Variants in ANKRD17 observed in about 807,000 individuals in gnomAD.
ANKRD17 encodes ankyrin repeat domain-containing protein 17.
ANKRD17 carries 19 observed loss-of-function variants against 229.7 expected under a neutral mutation model. The observed-to-expected ratio is 0.08, with a 90% CI of 0.06 to 0.12. ANKRD17 has a LOEUF of 0.12. ANKRD17 is among the 10% of genes least tolerant of loss of function. The pLI is 1.00. For missense variants in ANKRD17, 2,176 were observed against 3,176.8 expected (o/e 0.68, Z 7.57); for synonymous variants, 1,112 against 1,146.1 (o/e 0.97, Z 0.60).
chr4:73,257,175 T>C (rs1029300165), intron 1 of ANKRD17, among the ~76,000 whole-genome samples: 1 of 152,198 alleles, frequency 6.6e-6, no homozygotes, highest in Non-Finnish European at 1.5e-5. Flanking sequence ...CTGATAAAGA[T>C]TTCCCTCTCC....
intron 1 of ANKRD17, among the ~76,000 whole-genome samples, chr4:73,242,995 CT>C (rs1408857380): frequency 6.6e-6 from 1 of 152,086 alleles, no homozygotes; most frequent in African/African-American, 2.4e-5. Context: ...AGAAAGTTCC[CT>C]CTAACAATAC....
At position 73,179,486 on chromosome 4, in the gene ANKRD17, G is replaced by GTA. The variant is rs1391988983; in HGVS notation, c.394-1954_394-1953insTA. On this transcript the variant is annotated intron_variant, in intron 1 of 33. Transcript: ENST00000358602. ...TATATATGTGTGTGTGTGTGTGTGT[G>GTA]TGTATATATATATATATATATATAT... 8.0e-4 allele frequency among the ~76,000 whole-genome samples: 48 copies of GTA among 59,968 alleles called. 1 individual carries two copies. Among genetic ancestry groups the GTA allele is most frequent in the Admixed American group, 1.9e-3 (7 of 3,752 alleles). The allele number at this position is 59,968 out of a possible 152,430, so 39.3% of individuals were successfully genotyped here. A position where few individuals can be genotyped will look rare whatever the true frequency, so the allele number is the denominator to read the frequency against.
At chr4:73,142,410 A>T in intron 12 of ANKRD17, 25 bp from the exon 13 acceptor site, 1 of 1,583,086 alleles carries the variant, frequency 6.3e-7, no homozygotes, top group South Asian at 1.2e-5. Context: ...ATGGAAGGGG[A>T]AAAAAAGTGA....
chr4:73,229,869 A>G (rs1742882563), intron 1 of ANKRD17, among the ~76,000 whole-genome samples: 1 of 152,144 alleles, frequency 6.6e-6, no homozygotes, highest in Non-Finnish European at 1.5e-5. Context: ...CACTAAATAA[A>G]ATACTGCTGG....
chr4:73,147,556 G>A (rs1730447408), intron 8 of ANKRD17, 124 bp from the exon 9 acceptor site: 5 of 799,130 alleles, frequency 6.3e-6, no homozygotes, highest in Non-Finnish European at 8.7e-6. Flanking sequence ...TAATAAATAA[G>A]AAAGTGCCTC....
intron 1 of ANKRD17, among the ~76,000 whole-genome samples, chr4:73,239,074 A>G (rs1034126118): frequency 4.6e-5 from 7 of 152,176 alleles, no homozygotes; most frequent in African/African-American, 1.7e-4. Flanking sequence ...GGTGTTATAA[A>G]CACCTTCAGG....
chr4:73,223,175 A>G, intron 1 of ANKRD17: 1 of 715,448 alleles, frequency 1.4e-6, no homozygotes, highest in Non-Finnish European at 2.2e-6. Context: ...GGCATCTACC[A>G]AAAGAGCAGG....
intron 23 of ANKRD17, among the ~76,000 whole-genome samples, chr4:73,114,400 A>T (rs1292205877): frequency 1.3e-5 from 2 of 152,208 alleles, no homozygotes; most frequent in Non-Finnish European, 2.9e-5. Flanking sequence ...TTCATTCTCA[A>T]GTCACACTTT....
intron 2 of ANKRD17, among the ~76,000 whole-genome samples, chr4:73,170,541 GC>G (rs1341266800): frequency 1.3e-5 from 2 of 151,616 alleles, no homozygotes; most frequent in African/African-American, 4.8e-5. Flanking sequence ...GGGTCGGGGG[GC>G]GGGGGGCTGT....
intron 31 of ANKRD17, 98 bp downstream of exon 31, chr4:73,078,543 AG>A: frequency 7.2e-7 from 1 of 1,388,622 alleles, no homozygotes; most frequent in South Asian, 1.5e-5. Flanking sequence ...TCTCAAAAAA[AG>A]AAAAAAAAAA....
intron 8 of ANKRD17, among the ~76,000 whole-genome samples, chr4:73,147,833 A>C (rs113392287): frequency 2.6e-4 from 40 of 152,266 alleles, no homozygotes; most frequent in African/African-American, 8.9e-4. Flanking sequence ...AGCATTTTAC[A>C]ACTTATTTAG....
At chr4:73,133,531 C>T (rs1728509009) in intron 16 of ANKRD17, among the ~76,000 whole-genome samples, 1 of 151,754 alleles carries the variant, frequency 6.6e-6, no homozygotes, top group Non-Finnish European at 1.5e-5. Context: ...GCTGGGATTA[C>T]AGGCATGCGC....
At chr4:73,192,005 G>A (rs1363966320) in intron 1 of ANKRD17, among the ~76,000 whole-genome samples, 1 of 151,902 alleles carries the variant, frequency 6.6e-6, no homozygotes, top group Non-Finnish European at 1.5e-5. Flanking sequence ...AATTATATAT[G>A]GAATAATAGC....
In ANKRD17 at chr4:73,091,628, G is replaced by A; in HGVS notation, c.6000C>T (p.Val2000=). 1.2e-6 allele frequency: 2 copies of A among 1,614,200 alleles called. No homozygotes were observed. The highest frequency in any genetic ancestry group is 1.7e-6 in the Non-Finnish European group (2 of 1,180,036). ...TGGCATTGGATGTCTTCACAACTGTGACAAAAAGCTGCCTTCGGACAGAAG... is the reference window on the plus strand; with the variant it reads ...TGGCATTGGATGTCTTCACAACTGTAACAAAAAGCTGCCTTCGGACAGAAG... ...SSPSVRRQLF[V]TVVKTSNATT... is the part of the protein sequence containing the mutation. Residue 2000 remains valine (V), a synonymous_variant, in exon 29 of 34, where the codon GTC becomes GTT. Transcript: ENST00000358602.
At chr4:73,246,772 T>C (rs1012584705) in intron 1 of ANKRD17, among the ~76,000 whole-genome samples, 13 of 152,122 alleles carry the variant, frequency 8.5e-5, no homozygotes, top group Middle Eastern at 3.4e-3. Flanking sequence ...TGGTATTACA[T>C]GAGGAAGAGA....
At chr4:73,132,475 G>C (rs1728346109) in intron 16 of ANKRD17, among the ~76,000 whole-genome samples, 1 of 152,070 alleles carries the variant, frequency 6.6e-6, no homozygotes, top group Non-Finnish European at 1.5e-5. Flanking sequence ...AATTATTTTT[G>C]AACAGTATTT....
chr4:73,221,977 A>G (rs752997711), intron 1 of ANKRD17, among the ~76,000 whole-genome samples: 1 of 152,112 alleles, frequency 6.6e-6, no homozygotes, highest in East Asian at 1.9e-4. Flanking sequence ...AACCCCGCCT[A>G]GCTTCCCTTT....
chr4:73,203,927 G>GA (rs1260850820), intron 1 of ANKRD17, among the ~76,000 whole-genome samples: 1 of 151,772 alleles, frequency 6.6e-6, no homozygotes. Flanking sequence ...CAACAACAAT[G>GA]AAAAAACTCT....
rs1727325985 is a variant in ANKRD17 at position 73,125,569 on chromosome 4, C to A, written c.3235-257G>T. ...CCAACATGGTGAAACCCCATCTTGACTGAAAATATAAAAATTAGCCGGGTG... is the reference window on the plus strand; with the variant it reads ...CCAACATGGTGAAACCCCATCTTGAATGAAAATATAAAAATTAGCCGGGTG... On this transcript the variant is annotated intron_variant, in intron 16 of 33. Transcript: ENST00000358602. Among the ~76,000 whole-genome samples the A allele has an allele frequency of 6.6e-6, 1 of 151,822 alleles. No homozygotes were observed. Among genetic ancestry groups the A allele is most frequent in the Admixed American group, 6.6e-5 (1 of 15,252 alleles).
Sources: allele counts gnomAD v4.1 joint callset (sites outside exome capture counted in the v4.1 genomes callset), GRCh38; gene constraint gnomAD v4.1.1; transcripts MANE v1.5; gene names NCBI Gene and HGNC (gene_info 2026-07-23, HGNC 2026-07-21).